CLOCK: variants seen among roughly 807,000 people sequenced by gnomAD.
The protein encoded by CLOCK is clock circadian regulator.
In CLOCK, 43 loss-of-function variants were observed where a neutral mutation model predicts 118.4. The ratio of observed to expected loss-of-function variants is 0.36; its 90% CI spans 0.28 to 0.47. The LOEUF (loss-of-function observed/expected upper bound fraction) is 0.47. CLOCK is among the 20% of genes least tolerant of loss of function. CLOCK has a pLI of 1.00. For missense variants in CLOCK, 846 were observed against 999.9 expected (o/e 0.85, Z 2.08); for synonymous variants, 326 against 339.2 (o/e 0.96, Z 0.43).
intron 21 of CLOCK, among the ~76,000 whole-genome samples, chr4:55,439,675 TAAAA>T (rs1252837059): frequency 1.3e-5 from 2 of 152,254 alleles, no homozygotes; most frequent in African/African-American, 4.8e-5. Flanking sequence ...TACTTAGCCT[TAAAA>T]AGGAAAGAAA....
rs757449239 is a variant in CLOCK at position 55,482,773 on chromosome 4, C to T, written c.13G>A (p.Val5Ile). The change falls in exon 4 of 23, where the codon GTA becomes ATA. Residue 5 changes from valine to isoleucine, a missense_variant. Coordinates refer to ENST00000513440, the MANE Select transcript of CLOCK (RefSeq NM_004898.4). MLFTVSCSKMSSIVD... is the reference protein window; with the variant it reads MLFTISCSKMSSIVD... ...ATCGAGCTCATTTTACTACAGCTTA[C>T]GGTAAACAACATAACATACTACGTT... 3 of 1,609,570 alleles carry T rather than the reference C, an allele frequency of 1.9e-6. No individual in the cohort carries two copies. The highest frequency in any genetic ancestry group is 2.2e-5 in the South Asian group (2 of 90,294).
chr4:55,462,403 T>TA (rs768439312), intron 9 of CLOCK, among the ~76,000 whole-genome samples: 1 of 152,076 alleles, frequency 6.6e-6, no homozygotes, highest in Non-Finnish European at 1.5e-5. Context: ...TATCCTACCT[T>TA]AGTCTCCCAA....
intron 16 of CLOCK, 56 bp downstream of exon 16, chr4:55,450,025 ATATAAGTAAC>A: frequency 6.4e-7 from 1 of 1,553,014 alleles, no homozygotes; most frequent in Non-Finnish European, 8.9e-7. Context: ...AGAAATGCTG[ATATAAGTAAC>A]TAAAAGTTTA....
At chr4:55,507,286 T>C (rs1302092211) in intron 2 of CLOCK, among the ~76,000 whole-genome samples, 1 of 151,722 alleles carries the variant, frequency 6.6e-6, no homozygotes, top group African/African-American at 2.4e-5. Context: ...CTGGCGTGGG[T>C]GACAGAGCAA....
chr4:55,449,015 C>T (rs62303709), intron 17 of CLOCK, 147 bp from the exon 18 acceptor site: 127,036 of 675,318 alleles, frequency 0.19, 13,255 homozygotes, highest in Non-Finnish European at 0.21. Flanking sequence ...GTCTTCTCAT[C>T]TATATTGGAA....
At chr4:55,514,596 GT>G (rs1246870904) in intron 1 of CLOCK, among the ~76,000 whole-genome samples, 2 of 149,726 alleles carry the variant, frequency 1.3e-5, no homozygotes, top group Non-Finnish European at 1.5e-5. Context: ...CAGTTACAGA[GT>G]TTTTTTTTAA....
chr4:55,529,480 G>T (rs1380845691), intron 1 of CLOCK, among the ~76,000 whole-genome samples: 1 of 151,954 alleles, frequency 6.6e-6, no homozygotes, highest in Admixed American at 6.6e-5. Flanking sequence ...CAAATAAATA[G>T]ATCAAACTGA....
At chr4:55,448,599 CGCGTGTGTGTGTGTGTGTGTGTGT>C (rs1311131642) in intron 18 of CLOCK, among the ~76,000 whole-genome samples, 156 bp downstream of exon 18, 11 of 105,666 alleles carry the variant, frequency 1.0e-4, no homozygotes, top group African/African-American at 3.8e-4. Flanking sequence ...CGCGCACGCG[CGCGTGTGTGTGTGTGTGTGTGTGT>C]GTGTGTGTGT....
intron 4 of CLOCK, among the ~76,000 whole-genome samples, chr4:55,482,442 A>G (rs1726995366): frequency 6.6e-6 from 1 of 152,222 alleles, no homozygotes; most frequent in South Asian, 2.1e-4. Context: ...GAAGGTTCCA[A>G]GGAAACATTT....
At chr4:55,484,928 T>C (rs1727191723) in intron 3 of CLOCK, among the ~76,000 whole-genome samples, 1 of 152,130 alleles carries the variant, frequency 6.6e-6, no homozygotes, top group African/African-American at 2.4e-5. Flanking sequence ...CCAAAAATTA[T>C]TTGTCGTCCA....
intron 11 of CLOCK, among the ~76,000 whole-genome samples, chr4:55,457,382 A>C (rs1349722398): frequency 2.0e-5 from 3 of 152,170 alleles, no homozygotes; most frequent in Admixed American, 2.0e-4. Context: ...TATTTTAAAA[A>C]TCAATTCTAT....
chr4:55,438,913 T>C (rs1472052936), intron 21 of CLOCK, among the ~76,000 whole-genome samples: 4 of 152,200 alleles, frequency 2.6e-5, no homozygotes, highest in African/African-American at 7.2e-5. Context: ...CTTCATGACA[T>C]TGGATTTAGC....
intron 8 of CLOCK, among the ~76,000 whole-genome samples, chr4:55,468,650 G>T (rs1428476191): frequency 6.6e-6 from 1 of 152,030 alleles, no homozygotes; most frequent in Non-Finnish European, 1.5e-5. Context: ...TTTACAAGTT[G>T]CCCTAATTGC....
intron 1 of CLOCK, among the ~76,000 whole-genome samples, chr4:55,543,357 AG>A (rs1224937085): frequency 6.6e-6 from 1 of 152,192 alleles, no homozygotes; most frequent in African/African-American, 2.4e-5. Flanking sequence ...CCTGTCCTGT[AG>A]GTAATAACAG....
Position 55,433,721 on chromosome 4 carries a change from A to G in CLOCK, c.*1694T>C, listed in dbSNP as rs1722671080. 6.6e-6 allele frequency: 1 copy of G among 152,176 alleles called. No homozygotes were observed. The highest frequency in any genetic ancestry group is 1.9e-4 in the East Asian group (1 of 5,200). The allele number at this position is 152,176 out of a possible 1,614,324, so 9.4% of individuals were successfully genotyped here. A position where few individuals can be genotyped will look rare whatever the true frequency, so the allele number is the denominator to read the frequency against. The stretch of plus-strand genomic sequence containing the variant: ...TATCACTGTAAATTTCATTAGTACC[A>G]TAAAATCTGTAAAATGTTTTTTAAA... On this transcript the variant is annotated 3_prime_UTR_variant, in exon 23 of 23. Coordinates refer to ENST00000513440, the MANE Select transcript of CLOCK (RefSeq NM_004898.4).
chr4:55,522,930 CAG>C (rs960133879), intron 1 of CLOCK, among the ~76,000 whole-genome samples: 2 of 152,102 alleles, frequency 1.3e-5, no homozygotes, highest in Non-Finnish European at 2.9e-5. Context: ...TCCTACTGGC[CAG>C]AGACAGGCCA....
intron 7 of CLOCK, among the ~76,000 whole-genome samples, chr4:55,472,279 A>G (rs1480042172): frequency 1.3e-5 from 2 of 152,230 alleles, no homozygotes; most frequent in Non-Finnish European, 2.9e-5. Context: ...TCGGACTACA[A>G]TGAGTTTAAA....
At chr4:55,452,822 G>T (rs1724584835) in intron 15 of CLOCK, 1 of 399,716 alleles carries the variant, frequency 2.5e-6, no homozygotes, top group South Asian at 3.4e-5. Context: ...GTACATCACT[G>T]GGAATAAATG....
rs780168568 is a variant in CLOCK, at chr4:55,482,689, G to A, written c.47+50C>T. 8 of 1,222,784 alleles carry A rather than the reference G, an allele frequency of 6.5e-6. No individual in the cohort carries two copies. The South Asian group carries it at 8.3e-5, about 13-fold the overall frequency. The allele number at this position is 1,222,784 out of a possible 1,614,324, so 75.7% of individuals were successfully genotyped here. Reference sequence around the variant, plus strand: ...TCATATAGACCATTATTCTAATAGTGCATTTTAAAATAATTATATATAACT... The same window carrying A: ...TCATATAGACCATTATTCTAATAGTACATTTTAAAATAATTATATATAACT... On this transcript the variant is annotated intron_variant, in intron 4 of 22. Coordinates refer to ENST00000513440, the MANE Select transcript of CLOCK (RefSeq NM_004898.4).
Sources: allele counts gnomAD v4.1 joint callset (sites outside exome capture counted in the v4.1 genomes callset), GRCh38; gene constraint gnomAD v4.1.1; transcripts MANE v1.5; gene names NCBI Gene and HGNC (gene_info 2026-07-23, HGNC 2026-07-21).